KIF16B: variants seen among roughly 807,000 people sequenced by gnomAD.
KIF16B encodes the protein kinesin-like protein KIF16B.
Under a neutral mutation model 156.3 loss-of-function variants are expected in KIF16B, and 98 were observed. The observed-to-expected ratio is 0.63, with a 90% CI of 0.53 to 0.74. The LOEUF (loss-of-function observed/expected upper bound fraction) is 0.74, where lower values mean the gene tolerates loss of function less well. KIF16B is among the 30% of genes least tolerant of loss of function. The pLI is 0.00. For missense variants in KIF16B, 1,421 were observed against 1,606.5 expected (o/e 0.88, Z 1.97); for synonymous variants, 564 against 583.7 (o/e 0.97, Z 0.49).
intron 15 of KIF16B, among the ~76,000 whole-genome samples, chr20:16,422,189 T>A (rs971178804): frequency 1.3e-5 from 2 of 152,122 alleles, no homozygotes; most frequent in Non-Finnish European, 2.9e-5. Flanking sequence ...TATAAACAAT[T>A]TCTTCTAACT....
At chr20:16,409,354 C>A (rs1319570356) in intron 15 of KIF16B, among the ~76,000 whole-genome samples, 1 of 151,810 alleles carries the variant, frequency 6.6e-6, no homozygotes, top group East Asian at 1.9e-4. Flanking sequence ...GTGAGCACTG[C>A]ACCAACATAA....
intron 15 of KIF16B, among the ~76,000 whole-genome samples, chr20:16,425,246 C>T (rs1043630987): frequency 2.4e-4 from 36 of 152,128 alleles, no homozygotes; most frequent in African/African-American, 7.5e-4. Flanking sequence ...GGACAGGACA[C>T]GAAAGCCAGC....
chr20:16,478,376 C>T (rs1007785673), intron 12 of KIF16B, among the ~76,000 whole-genome samples: 4 of 152,132 alleles, frequency 2.6e-5, no homozygotes, highest in South Asian at 2.1e-4. Context: ...GGTATGACCA[C>T]GTTGGAAAAC....
At chr20:16,422,686 A>C (rs1158298978) in intron 15 of KIF16B, among the ~76,000 whole-genome samples, 1 of 152,166 alleles carries the variant, frequency 6.6e-6, no homozygotes, top group Non-Finnish European at 1.5e-5. Flanking sequence ...ATTTGTATAC[A>C]TAAATGAACA....
At chr20:16,341,926 C>A (rs1003007779) in intron 23 of KIF16B, among the ~76,000 whole-genome samples, 2 of 152,166 alleles carry the variant, frequency 1.3e-5, no homozygotes, top group Admixed American at 1.3e-4. Flanking sequence ...AATCTCACAC[C>A]CCAGACAACG....
chr20:16,462,454 GA>G (rs988574867), intron 12 of KIF16B, among the ~76,000 whole-genome samples: 32 of 150,874 alleles, frequency 2.1e-4, no homozygotes, highest in Non-Finnish European at 3.5e-4. Context: ...AAATATACTG[GA>G]AGTTAAGCCT....
chr20:16,518,782 T>C (rs2069229925), intron 3 of KIF16B, among the ~76,000 whole-genome samples: 4 of 152,204 alleles, frequency 2.6e-5, no homozygotes, highest in Admixed American at 2.6e-4. Context: ...AATTGAACTA[T>C]AGTAGTAGAC....
In KIF16B at chr20:16,427,214, T is replaced by C; in HGVS notation, c.1502A>G (p.Glu501Gly). Reference sequence around the variant, plus strand: ...CCCGATATTTTCAAAGATGCAATGCTCACTCTCCAAGTCAAGGCCATGAAG... The same window carrying C: ...CCCGATATTTTCAAAGATGCAATGCCCACTCTCCAAGTCAAGGCCATGAAG... Reference protein sequence around the residue: ...IVLHGLDLESEHCIFENIGGT... With the variant: ...IVLHGLDLESGHCIFENIGGT... The change falls in exon 15 of 26, where the codon GAG (glutamate) becomes GGG (glycine). Residue 501 changes from glutamate (E) to glycine (G), a missense_variant. Coordinates refer to ENST00000354981, the MANE Select transcript of KIF16B (RefSeq NM_024704.5). 6.2e-7 allele frequency: 1 copy of C among 1,612,516 alleles called. No homozygotes were observed. Among genetic ancestry groups the C allele is most frequent in the East Asian group, 2.2e-5 (1 of 44,802 alleles).
chr20:16,403,155 A>T (rs1325044766), intron 17 of KIF16B, among the ~76,000 whole-genome samples: 2 of 152,218 alleles, frequency 1.3e-5, no homozygotes, highest in Non-Finnish European at 2.9e-5. Context: ...GGATTCCAGG[A>T]TTAACTAACT....
intron 25 of KIF16B, among the ~76,000 whole-genome samples, chr20:16,289,328 A>G (rs1480068691): frequency 1.3e-5 from 2 of 152,208 alleles, no homozygotes; most frequent in Non-Finnish European, 2.9e-5. Flanking sequence ...GATACTGTCT[A>G]TATAACTTTG....
chr20:16,374,995 A>G (rs1320693803), intron 19 of KIF16B, among the ~76,000 whole-genome samples: 6 of 152,210 alleles, frequency 3.9e-5, no homozygotes, highest in African/African-American at 1.4e-4. Context: ...GCTAAGGCAG[A>G]GGGCATGGGA....
chr20:16,571,731 A>G (rs1017784327), intron 1 of KIF16B, among the ~76,000 whole-genome samples: 1 of 151,056 alleles, frequency 6.6e-6, no homozygotes, highest in Non-Finnish European at 1.5e-5. Flanking sequence ...CTGGGTTCAC[A>G]CCATTCTCCT....
intron 22 of KIF16B, among the ~76,000 whole-genome samples, chr20:16,360,550 C>A (rs2123190803): frequency 6.6e-6 from 1 of 152,042 alleles, no homozygotes; most frequent in African/African-American, 2.4e-5. Context: ...ATAGTATAAG[C>A]AATTTTAAAT....
intron 22 of KIF16B, among the ~76,000 whole-genome samples, 199 bp from the exon 23 acceptor site, chr20:16,356,651 T>C (rs1474573196): frequency 2.6e-5 from 4 of 152,212 alleles, no homozygotes. Flanking sequence ...GACCATTATT[T>C]TAGGTATACC....
chr20:16,540,459 C>G (rs2070151652), intron 1 of KIF16B, among the ~76,000 whole-genome samples: 1 of 152,210 alleles, frequency 6.6e-6, no homozygotes, highest in Non-Finnish European at 1.5e-5. Flanking sequence ...GCTCTTCATG[C>G]TCTAGAACAA....
At chr20:16,518,442 A>C (rs2069218414) in intron 3 of KIF16B, among the ~76,000 whole-genome samples, 1 of 152,168 alleles carries the variant, frequency 6.6e-6, no homozygotes, top group Admixed American at 6.5e-5. Context: ...TTTCCTGGGT[A>C]ATCCAAGGCA....
chr20:16,512,775 G>T, intron 5 of KIF16B, 51 bp downstream of exon 5: 1 of 1,263,088 alleles, frequency 7.9e-7, no homozygotes, highest in Non-Finnish European at 1.2e-6. Context: ...AGGCCAACCA[G>T]CATTGACTCT....
intron 23 of KIF16B, among the ~76,000 whole-genome samples, chr20:16,350,233 T>A (rs2064309378): frequency 6.6e-6 from 1 of 152,166 alleles, no homozygotes; most frequent in East Asian, 1.9e-4. Context: ...TGGACAAAAG[T>A]GATACTGGTC....
intron 23 of KIF16B, among the ~76,000 whole-genome samples, chr20:16,346,193 A>C (rs1273876328): frequency 1.3e-5 from 2 of 152,338 alleles, no homozygotes; most frequent in African/African-American, 4.8e-5. Flanking sequence ...TGAGGGAAGA[A>C]GCTGGGCCTC....
Sources: allele counts gnomAD v4.1 joint callset (sites outside exome capture counted in the v4.1 genomes callset), GRCh38; gene constraint gnomAD v4.1.1; transcripts MANE v1.5; gene names NCBI Gene and HGNC (gene_info 2026-07-23, HGNC 2026-07-21).